C9orf85: variants seen among roughly 807,000 people sequenced by gnomAD.
The protein encoded by C9orf85 is chromosome 9 open reading frame 85, also known as uncharacterized protein C9orf85.
C9orf85 carries 16 observed loss-of-function variants against 14.9 expected under a neutral mutation model. The observed-to-expected ratio is 1.08, with a 90% confidence interval of 0.73 to 1.63. The LOEUF is 1.63. Among genes scored for constraint, C9orf85 ranks in the 40% most tolerant of loss-of-function variants. The pLI is 0.00. For synonymous variants in C9orf85, 45 were observed against 56.8 expected (o/e 0.79, Z 0.93); for missense variants, 172 against 186.1 (o/e 0.92, Z 0.44).
chr9:71,949,107 CAA>C lies in C9orf85; in HGVS notation c.209+1996_209+1997del, dbSNP rs1385093187. Among the ~76,000 whole-genome samples, 4 of 152,142 alleles carry C rather than the reference CAA, an allele frequency of 2.6e-5. No homozygotes were observed. In the South Asian group the frequency reaches 6.2e-4, roughly 24 times the overall value. Reference sequence around the variant, plus strand: ...TTTGTAGCTTTCTGAATATTTTCAACAAGTTTTTATTCCTATAAAGGTATTTT... The same window carrying C: ...TTTGTAGCTTTCTGAATATTTTCAACGTTTTTATTCCTATAAAGGTATTTT... On this transcript the variant is annotated intron_variant, in intron 2 of 3. Transcript: ENST00000334731.
In C9orf85 at chr9:71,973,122, G is replaced by T. The variant is rs951137033; in HGVS notation, c.*280G>T. The stretch of plus-strand genomic sequence containing the variant: ...TTCGTGCCATTACACTCCAGCCTGG[G>T]TGACAGAGTGAGACTCTGTCTCAAA... On this transcript the variant is annotated 3_prime_UTR_variant, in exon 4 of 4. Coordinates refer to ENST00000334731, the MANE Select transcript of C9orf85 (RefSeq NM_182505.5). 1.8e-5 allele frequency: 3 copies of T among 170,534 alleles called. No homozygotes were observed. The highest frequency in any genetic ancestry group is 2.5e-5 in the Non-Finnish European group (2 of 79,840). The allele number at this position is 170,534 out of a possible 1,614,324, so 10.6% of individuals were successfully genotyped here. A position where few individuals can be genotyped will look rare whatever the true frequency, so the allele number is the denominator to read the frequency against.
intron 1 of C9orf85, among the ~76,000 whole-genome samples, chr9:71,918,854 G>GTAA (rs976945825): frequency 2.6e-5 from 4 of 152,046 alleles, no homozygotes; most frequent in African/African-American, 9.7e-5. Flanking sequence ...ATATTACAAT[G>GTAA]TAATAATAAT....
At chr9:71,956,117 G>A (rs1822372883) in intron 2 of C9orf85, among the ~76,000 whole-genome samples, 1 of 151,732 alleles carries the variant, frequency 6.6e-6, no homozygotes, top group Admixed American at 6.6e-5. Flanking sequence ...CTTCTTTAAA[G>A]AATATGTTTA....
At chr9:71,961,476 G>C (rs758383827) in intron 2 of C9orf85, among the ~76,000 whole-genome samples, 1 of 152,000 alleles carries the variant, frequency 6.6e-6, no homozygotes, top group South Asian at 2.1e-4. Flanking sequence ...CAGGAGAATC[G>C]CTTGAACCTG....
At chr9:71,913,810 A>G (rs1827578313) in intron 1 of C9orf85, among the ~76,000 whole-genome samples, 1 of 148,548 alleles carries the variant, frequency 6.7e-6, no homozygotes, top group Non-Finnish European at 1.5e-5. Flanking sequence ...TCTAATAACT[A>G]TGTCATTCTG....
chr9:71,912,835 G>A (rs192931592), intron 1 of C9orf85, among the ~76,000 whole-genome samples: 45 of 152,106 alleles, frequency 3.0e-4, no homozygotes, highest in African/African-American at 1.0e-3. Context: ...AGTGAGCTGA[G>A]ATCACATCAC....
At chr9:71,984,389 A>C (rs1367353594), downstream of C9orf85, 1 of 152,222 alleles carries the variant, frequency 6.6e-6, no homozygotes, top group Non-Finnish European at 1.5e-5. Context: ...CCATTGGTAG[A>C]ATAAATCTGC....
downstream of C9orf85, chr9:71,983,601 C>G (rs114557789): frequency 6.6e-6 from 1 of 152,296 alleles, no homozygotes; most frequent in Admixed American, 6.5e-5. Context: ...TGCTGCCACG[C>G]CTGGGCACAT....
At chr9:71,950,014 T>A (rs1245168707) in intron 2 of C9orf85, among the ~76,000 whole-genome samples, 3 of 152,174 alleles carry the variant, frequency 2.0e-5, no homozygotes, top group East Asian at 3.8e-4. Flanking sequence ...TGGGGTAGCA[T>A]GTTCTGAATC....
Position 71,911,832 on chromosome 9 carries a change from C to T in C9orf85, c.98C>T (p.Thr33Ile). The T allele has an allele frequency of 1.9e-6, 3 of 1,613,776 alleles. No homozygotes were observed. Among genetic ancestry groups the T allele is most frequent in the South Asian group, 2.2e-5 (2 of 91,068 alleles). Residue 33 changes from threonine to isoleucine, a missense_variant, in exon 1 of 4, where the codon ACC (threonine) becomes ATC (isoleucine). Coordinates refer to ENST00000334731, the MANE Select transcript of C9orf85 (RefSeq NM_182505.5). ...KNDKFDKSVQ[T>I]KKINAKLHDG... ...GACAAGTTCGATAAAAGTGTGCAGA[C>T]CAAGGTAGGAACCTGCCTGTTGCAC...
intron 2 of C9orf85, among the ~76,000 whole-genome samples, chr9:71,949,206 AAAC>A (rs758801746): frequency 2.0e-5 from 3 of 152,224 alleles, no homozygotes; most frequent in Non-Finnish European, 4.4e-5. Flanking sequence ...TGTAGGCAAT[AAAC>A]AACATTTATG....
At chr9:71,964,533 C>A (rs899901387) in intron 2 of C9orf85, among the ~76,000 whole-genome samples, 1 of 151,840 alleles carries the variant, frequency 6.6e-6, no homozygotes, top group South Asian at 2.1e-4. Flanking sequence ...AGAGCTGTAA[C>A]GCTCACCGTG....
At chr9:71,943,634 C>T (rs1822002428) in intron 1 of C9orf85, among the ~76,000 whole-genome samples, 1 of 151,822 alleles carries the variant, frequency 6.6e-6, no homozygotes, top group Admixed American at 6.6e-5. Flanking sequence ...CCTCCAAATG[C>T]CAGGTTCAAA....
At chr9:71,929,563 CCT>C (rs1316575600) in intron 1 of C9orf85, among the ~76,000 whole-genome samples, 1 of 152,096 alleles carries the variant, frequency 6.6e-6, no homozygotes. Flanking sequence ...ACTATATCCT[CCT>C]CTCTTAGAAC....
chr9:71,953,110 T>A (rs1220410558), intron 2 of C9orf85, among the ~76,000 whole-genome samples: 2 of 151,798 alleles, frequency 1.3e-5, no homozygotes, highest in Non-Finnish European at 3.0e-5. Flanking sequence ...AGACCAGGGA[T>A]GCTGCTAAAC....
intron 1 of C9orf85, among the ~76,000 whole-genome samples, chr9:71,915,299 G>C (rs1827620720): frequency 6.6e-6 from 1 of 151,514 alleles, no homozygotes; most frequent in East Asian, 1.9e-4. Context: ...TCTTGTCTCA[G>C]CCTCCCAAGT....
intron 1 of C9orf85, among the ~76,000 whole-genome samples, chr9:71,920,425 A>G (rs1255686308): frequency 6.6e-6 from 1 of 152,200 alleles, no homozygotes; most frequent in Non-Finnish European, 1.5e-5. Flanking sequence ...CAAATTCTTC[A>G]TTCAGGTAAA....
At chr9:71,970,956 T>TGTTGGCCAGACTG (rs1822846208) in intron 2 of C9orf85, among the ~76,000 whole-genome samples, 1 of 152,058 alleles carries the variant, frequency 6.6e-6, no homozygotes, top group Non-Finnish European at 1.5e-5. Context: ...GGTTTCACCA[T>TGTTGGCCAGACTG]GTTGGCCAGA....
intron 2 of C9orf85, among the ~76,000 whole-genome samples, chr9:71,948,346 TAA>T (rs1822152979): frequency 6.6e-6 from 1 of 152,170 alleles, no homozygotes; most frequent in African/African-American, 2.4e-5. Context: ...ATCTGAAACT[TAA>T]GATATAAAAT....
Sources: allele counts gnomAD v4.1 joint callset (sites outside exome capture counted in the v4.1 genomes callset), GRCh38; gene constraint gnomAD v4.1.1; transcripts MANE v1.5; gene names NCBI Gene and HGNC (gene_info 2026-07-23, HGNC 2026-07-21).